Variants in PREX2 observed in about 807,000 individuals in gnomAD.
PREX2 encodes the protein phosphatidylinositol 3,4,5-trisphosphate-dependent Rac exchanger 2 protein.
A neutral mutation model predicts 203.2 loss-of-function variants in PREX2; 107 were observed. The ratio of observed to expected loss-of-function variants is 0.53; its 90% CI spans 0.45 to 0.62. The LOEUF (loss-of-function observed/expected upper bound fraction) is 0.62, where lower values mean the gene tolerates loss of function less well. Among genes scored for constraint, PREX2 ranks in the 20% least tolerant of loss-of-function variants. The pLI, the probability that PREX2 is intolerant of heterozygous loss-of-function variation, is 0.00. For missense variants in PREX2, 1,777 were observed against 1,955.9 expected, an observed-to-expected ratio of 0.91 and a Z score of 1.72; for synonymous variants, 672 against 663.6, an observed-to-expected ratio of 1.01 and a Z score of -0.19.
chr8:68,092,327 G>T (rs1809901182), intron 20 of PREX2, among the ~76,000 whole-genome samples: 1 of 152,146 alleles, frequency 6.6e-6, no homozygotes, highest in African/African-American at 2.4e-5. Context: ...GTAATGGAAT[G>T]ATCAAATGTT....
intron 20 of PREX2, among the ~76,000 whole-genome samples, chr8:68,092,387 G>A (rs565886934): frequency 1.1e-3 from 165 of 152,228 alleles, no homozygotes; most frequent in African/African-American, 3.9e-3. Flanking sequence ...ACACACTTGA[G>A]AATCGAATAC....
At chr8:67,989,054 C>T (rs62520721) in intron 1 of PREX2, among the ~76,000 whole-genome samples, 17,410 of 152,036 alleles carry the variant, frequency 0.11, 1,134 homozygotes, top group African/African-American at 0.19. Flanking sequence ...TCACTTTGCT[C>T]ATTGTGTCTG....
Position 67,993,613 on chromosome 8 carries a change from G to C in PREX2, c.142-24233G>C, listed in dbSNP as rs948529746. Among the ~76,000 whole-genome samples the C allele has an allele frequency of 3.3e-5, 5 of 151,976 alleles. No individual in the cohort carries two copies. The South Asian group carries it at 1.0e-3, about 32-fold the overall frequency. On this transcript the variant is annotated intron_variant, in intron 1 of 39. Transcript: ENST00000288368. ...GGTAGAGATGGGGTTTCACCATGTT[G>C]GCCAGGCTGGTATCGAACTCCTAAC...
chr8:68,066,946 T>A (rs1157041337), intron 11 of PREX2, among the ~76,000 whole-genome samples: 3 of 152,128 alleles, frequency 2.0e-5, no homozygotes, highest in Non-Finnish European at 4.4e-5. Flanking sequence ...ATTTTGCATG[T>A]AGATATCCAG....
At chr8:68,006,191 G>A (rs1807087292) in intron 1 of PREX2, among the ~76,000 whole-genome samples, 1 of 152,162 alleles carries the variant, frequency 6.6e-6, no homozygotes, top group Admixed American at 6.5e-5. Flanking sequence ...GGCTGAGCTG[G>A]AGGGTAAGAG....
intron 8 of PREX2, among the ~76,000 whole-genome samples, chr8:68,046,180 GA>G (rs1808344994): frequency 6.6e-6 from 1 of 151,966 alleles, no homozygotes; most frequent in Non-Finnish European, 1.5e-5. Flanking sequence ...TATTTCCTGA[GA>G]GATTGAATAT....
At chr8:68,134,656 T>A (rs1236428630) in intron 32 of PREX2, among the ~76,000 whole-genome samples, 1 of 152,216 alleles carries the variant, frequency 6.6e-6, no homozygotes, top group Non-Finnish European at 1.5e-5. Context: ...TTGAGATGGA[T>A]GTCCTGGAGC....
chr8:68,202,585 C>T (rs1395578506), intron 37 of PREX2, among the ~76,000 whole-genome samples: 1 of 152,056 alleles, frequency 6.6e-6, no homozygotes, highest in Non-Finnish European at 1.5e-5. Flanking sequence ...GACCTAGCAC[C>T]GAAGCACTGG....
intron 2 of PREX2, among the ~76,000 whole-genome samples, chr8:68,018,316 A>G (rs1245092647): frequency 6.6e-6 from 1 of 152,022 alleles, no homozygotes; most frequent in East Asian, 1.9e-4. Flanking sequence ...AAAAATACAA[A>G]ATTAGCCAGC....
intron 19 of PREX2, among the ~76,000 whole-genome samples, chr8:68,089,863 GTTAATA>G (rs1333321962): frequency 6.6e-6 from 1 of 151,978 alleles, no homozygotes; most frequent in Non-Finnish European, 1.5e-5. Context: ...ATGGTATTTT[GTTAATA>G]TTGATTTGAT....
intron 1 of PREX2, among the ~76,000 whole-genome samples, chr8:67,958,881 A>G (rs1250413367): frequency 1.3e-5 from 2 of 152,210 alleles, no homozygotes; most frequent in Admixed American, 6.5e-5. Flanking sequence ...AGGAAAAGGA[A>G]AATGAATTTG....
At position 68,080,878 on chromosome 8, in the gene PREX2, G is replaced by T. The variant is rs770634420; in HGVS notation, c.1878+40G>T. 3.6e-6 allele frequency: 4 copies of T among 1,119,710 alleles called. No homozygotes were observed. The South Asian group carries it at 4.0e-5, about 11-fold the overall frequency. 69.4% of individuals were successfully genotyped at this position (1,119,710 alleles called of 1,614,324 possible). A position where few individuals can be genotyped will look rare whatever the true frequency, so the allele number is the denominator to read the frequency against. ...CGTTTTAATTTAAATTTGTTATCAT[G>T]ACATAAAAATAGAGAAATTCTAAAC... On this transcript the variant is annotated intron_variant, in intron 17 of 39. Transcript: ENST00000288368.
intron 1 of PREX2, among the ~76,000 whole-genome samples, chr8:67,964,243 C>G (rs941964248): frequency 6.6e-6 from 1 of 152,214 alleles, no homozygotes; most frequent in Non-Finnish European, 1.5e-5. Context: ...CACTTTCACT[C>G]TCATCCCCAC....
At chr8:68,105,029 T>C (rs1399065423) in intron 23 of PREX2, 14 of 765,626 alleles carry the variant, frequency 1.8e-5, no homozygotes, top group Non-Finnish European at 2.1e-5. Flanking sequence ...TTTCCTTTGA[T>C]GTTGCTAAAA....
intron 35 of PREX2, among the ~76,000 whole-genome samples, chr8:68,182,997 G>A (rs1812114888): frequency 6.6e-6 from 1 of 151,848 alleles, no homozygotes; most frequent in Admixed American, 6.6e-5. Flanking sequence ...CATGTGGATG[G>A]TGTGTTGGGG....
At chr8:68,159,896 T>G (rs1346884570) in intron 35 of PREX2, among the ~76,000 whole-genome samples, 3 of 152,130 alleles carry the variant, frequency 2.0e-5, no homozygotes, top group African/African-American at 7.2e-5. Flanking sequence ...GAAAGTCAAT[T>G]GTTTTGGCTT....
At chr8:68,030,722 T>C in intron 6 of PREX2, 64 bp downstream of exon 6, 1 of 1,500,816 alleles carries the variant, frequency 6.7e-7, no homozygotes. Flanking sequence ...TCGTGCAGAA[T>C]TACTGGCGTT....
chr8:68,145,925 A>G (rs1409564392), intron 33 of PREX2, among the ~76,000 whole-genome samples: 1 of 152,124 alleles, frequency 6.6e-6, no homozygotes, highest in African/African-American at 2.4e-5. Flanking sequence ...GTGTAGCTAA[A>G]CACCTCATTT....
At chr8:68,052,766 C>T (rs1169936781) in intron 8 of PREX2, among the ~76,000 whole-genome samples, 1 of 152,112 alleles carries the variant, frequency 6.6e-6, no homozygotes. Context: ...GAGAAGAAAA[C>T]ACCTTGCATG....
Sources: gnomAD v4.1 joint callset for allele counts (sites outside exome capture counted in the v4.1 genomes callset) on GRCh38, gnomAD v4.1.1 for gene constraint, MANE v1.5 for transcripts, NCBI Gene and HGNC (gene_info 2026-07-23, HGNC 2026-07-21) for gene names.